DGKB: variants seen among roughly 807,000 people sequenced by gnomAD.
DGKB encodes 90 kDa diacylglycerol kinase.
Under a neutral mutation model 114.3 loss-of-function variants are expected in DGKB, and 67 were observed. That is an observed-to-expected ratio of 0.59 (90% CI 0.48 to 0.72). The LOEUF (loss-of-function observed/expected upper bound fraction) is 0.72, where lower values mean the gene tolerates loss of function less well. Ranked by LOEUF, DGKB falls within the 30% of genes least tolerant of loss-of-function variation. The pLI, the probability that DGKB is intolerant of heterozygous loss-of-function variation, is 0.00. For missense variants in DGKB, 907 were observed against 975.2 expected, an observed-to-expected ratio of 0.93 and a Z score of 0.93; for synonymous variants, 398 against 323.1, an observed-to-expected ratio of 1.23 and a Z score of -2.49.
intron 20 of DGKB, among the ~76,000 whole-genome samples, chr7:14,503,549 T>C (rs1786541691): frequency 6.6e-6 from 1 of 152,208 alleles, no homozygotes; most frequent in East Asian, 1.9e-4. Flanking sequence ...AATAGATTCT[T>C]ATCTTTTTAT....
chr7:14,799,648 G>A (rs1008967519), intron 2 of DGKB, among the ~76,000 whole-genome samples: 4 of 152,114 alleles, frequency 2.6e-5, no homozygotes, highest in African/African-American at 7.2e-5. Context: ...GGGCCTATTT[G>A]GATTTTAGAA....
At chr7:14,902,511 C>T (rs1435285732) in intron 1 of DGKB, 81 bp downstream of exon 1, 1 of 152,328 alleles carries the variant, frequency 6.6e-6, no homozygotes, top group Non-Finnish European at 1.5e-5. Context: ...ACTTTCCTCC[C>T]CATTTCTTCC....
chr7:14,848,464 G>C (rs1848930297), intron 1 of DGKB, among the ~76,000 whole-genome samples: 1 of 152,168 alleles, frequency 6.6e-6, no homozygotes, highest in South Asian at 2.1e-4. Flanking sequence ...TGTACTAGTA[G>C]ATTTTGAGTT....
At chr7:14,621,637 A>G (rs1384746739) in intron 14 of DGKB, 143 bp from the exon 15 acceptor site, 2 of 583,272 alleles carry the variant, frequency 3.4e-6, no homozygotes, top group East Asian at 5.8e-5. Flanking sequence ...GAATAATATG[A>G]AAGCTGTTGT....
chr7:14,500,211 A>C (rs2128952200), intron 20 of DGKB, among the ~76,000 whole-genome samples: 1 of 151,960 alleles, frequency 6.6e-6, no homozygotes, highest in East Asian at 1.9e-4. Flanking sequence ...TCGTAGTCTA[A>C]ATTTTATTAA....
intron 16 of DGKB, among the ~76,000 whole-genome samples, chr7:14,612,674 G>C (rs2128795257): frequency 6.6e-6 from 1 of 152,050 alleles, no homozygotes; most frequent in African/African-American, 2.4e-5. Context: ...GATTAGGAGA[G>C]TTATCTAAAA....
chr7:14,457,767 T>C (rs1204645037), intron 21 of DGKB, among the ~76,000 whole-genome samples: 1 of 152,204 alleles, frequency 6.6e-6, no homozygotes, highest in Admixed American at 6.6e-5. Context: ...TATGACAGAT[T>C]GCTAACATTT....
In DGKB at chr7:14,682,832, T is replaced by C; in HGVS notation, c.839A>G (p.Tyr280Cys). The C allele has an allele frequency of 6.3e-7, 1 of 1,589,478 alleles. No homozygotes were observed. The highest frequency in any genetic ancestry group is 8.6e-7 in the Non-Finnish European group (1 of 1,166,968). The stretch of plus-strand genomic sequence containing the variant: ...AGCCACACAGCGCTCATGGACTGTG[T>C]ACTTGCAGACTGAAAGGAAACAGGT... ...KQGLCCSFCK[Y>C]TVHERCVARA... is the part of the protein sequence containing the mutation. Residue 280 changes from tyrosine (Y) to cysteine (C), a missense_variant, in exon 11 of 26, where the codon TAC (tyrosine) becomes TGC (cysteine). By Grantham distance (194) the Tyr-to-Cys change is radical. Transcript: ENST00000402815.
chr7:14,528,856 A>C (rs1459683616), intron 20 of DGKB, among the ~76,000 whole-genome samples: 1 of 152,046 alleles, frequency 6.6e-6, no homozygotes, highest in African/African-American at 2.4e-5. Context: ...TTCTTATAAA[A>C]TTCCGTTGCA....
intron 12 of DGKB, among the ~76,000 whole-genome samples, chr7:14,678,449 C>T (rs375732590): frequency 2.3e-4 from 35 of 151,898 alleles, no homozygotes; most frequent in Non-Finnish European, 4.0e-4. Context: ...TTCAAGGGAC[C>T]GGGATGAACA....
intron 23 of DGKB, among the ~76,000 whole-genome samples, chr7:14,180,805 C>G (rs1782527909): frequency 3.3e-5 from 5 of 151,020 alleles, no homozygotes; most frequent in African/African-American, 1.2e-4. Context: ...ATTTTGAATT[C>G]TGTTTCTATA....
chr7:14,883,206 T>C lies in DGKB; in HGVS notation c.-188+19386A>G, dbSNP rs140837244. On this transcript the variant is annotated intron_variant, in intron 1 of 25. Coordinates refer to ENST00000402815, the MANE Select transcript of DGKB (RefSeq NM_001350709.2). The stretch of plus-strand genomic sequence containing the variant: ...GTTGTCTTTGCCTAACTTAGATTTG[T>C]AATTTACTTATACATTTTACATATA... Among the ~76,000 whole-genome samples, 374 of 152,112 alleles carry C rather than the reference T, an allele frequency of 2.5e-3. 4 individuals carry two copies. Among genetic ancestry groups the C allele is most frequent in the African/African-American group, 8.3e-3 (347 of 41,560 alleles).
intron 25 of DGKB, among the ~76,000 whole-genome samples, chr7:14,154,329 T>C (rs1335520769): frequency 4.6e-5 from 7 of 151,988 alleles, no homozygotes; most frequent in Admixed American, 3.3e-4. Flanking sequence ...ATAGTCTGAA[T>C]GATTATATAT....
chr7:14,917,713 C>A (rs1370849434), intron 1 of DGKB, among the ~76,000 whole-genome samples: 1 of 151,870 alleles, frequency 6.6e-6, no homozygotes, highest in African/African-American at 2.4e-5. Context: ...AATACCAATT[C>A]TCTAAAATCT....
At chr7:14,912,733 C>T (rs899994513) in intron 1 of DGKB, among the ~76,000 whole-genome samples, 2 of 152,080 alleles carry the variant, frequency 1.3e-5, no homozygotes, top group African/African-American at 2.4e-5. Flanking sequence ...GGTTTTATCG[C>T]TTATGTCATT....
At chr7:14,232,064 C>T (rs964628597) in intron 23 of DGKB, among the ~76,000 whole-genome samples, 32 of 152,084 alleles carry the variant, frequency 2.1e-4, no homozygotes, top group Admixed American at 1.9e-3. Context: ...TGCTAAGGAC[C>T]ACTTCCGGTT....
chr7:14,350,500 C>CA (rs1813250856), intron 21 of DGKB, among the ~76,000 whole-genome samples: 1 of 151,894 alleles, frequency 6.6e-6, no homozygotes, highest in South Asian at 2.1e-4. Flanking sequence ...ATGCAACATA[C>CA]AGAGGGCGAT....
chr7:14,695,494 CTTT>C (rs1173622205), intron 8 of DGKB, among the ~76,000 whole-genome samples: 12 of 75,158 alleles, frequency 1.6e-4, no homozygotes, highest in East Asian at 5.1e-4. Flanking sequence ...CTCTCTCTCT[CTTT>C]TTTTTTTTTT....
rs146857091 is a variant in DGKB at position 14,698,031 on chromosome 7, G to C, written c.591+64C>G. On this transcript the variant is annotated intron_variant, in intron 8 of 25. Transcript: ENST00000402815. ...AAAGAAAGAAAGAGAAAGAAAGAAAGAAAGAAAAGAAAGAAAGAGGCCTTC... is the reference window on the plus strand; with the variant it reads ...AAAGAAAGAAAGAGAAAGAAAGAAACAAAGAAAAGAAAGAAAGAGGCCTTC... 2,617 of 831,440 alleles carry C rather than the reference G, an allele frequency of 3.1e-3. 56 individuals are homozygous for C. The African/African-American group carries it at 0.04, about 13-fold the overall frequency. 51.5% of individuals were successfully genotyped at this position (831,440 alleles called of 1,614,324 possible).
Sources: gnomAD v4.1 joint callset for allele counts (sites outside exome capture counted in the v4.1 genomes callset) on GRCh38, gnomAD v4.1.1 for gene constraint, MANE v1.5 for transcripts, NCBI Gene and HGNC (gene_info 2026-07-23, HGNC 2026-07-21) for gene names.